Variants in DPYD observed in about 807,000 individuals in gnomAD.
DPYD encodes the protein dihydropyrimidine dehydrogenase.
A neutral mutation model predicts 116.2 loss-of-function variants in DPYD; 109 were observed. The ratio of observed to expected loss-of-function variants is 0.94; its 90% CI spans 0.80 to 1.10. The LOEUF (loss-of-function observed/expected upper bound fraction) is 1.10. Ranked by LOEUF, DPYD falls within the 50% of genes least tolerant of loss-of-function variation. DPYD has a pLI of 0.00. For synonymous variants in DPYD, 440 were observed against 432.0 expected (o/e 1.02, Z -0.23); for missense variants, 1,302 against 1,254.5 (o/e 1.04, Z -0.57).
chr1:97,131,165 C>T (rs954837361), intron 20 of DPYD, among the ~76,000 whole-genome samples: 11 of 151,494 alleles, frequency 7.3e-5, no homozygotes, highest in Admixed American at 3.3e-4. Flanking sequence ...AAAAAAGGAA[C>T]GCTACAGGTC....
At chr1:97,142,042 T>C (rs1654263734) in intron 20 of DPYD, among the ~76,000 whole-genome samples, 1 of 152,122 alleles carries the variant, frequency 6.6e-6, no homozygotes, top group Admixed American at 6.6e-5. Context: ...TGTTAGGCTG[T>C]TTGGAGTAGG....
chr1:97,156,379 C>T (rs1655458211), intron 20 of DPYD, among the ~76,000 whole-genome samples: 1 of 151,800 alleles, frequency 6.6e-6, no homozygotes, highest in South Asian at 2.1e-4. Flanking sequence ...TGACAAAGGG[C>T]TAATATCCAG....
chr1:97,416,093 C>A (rs964580715), intron 14 of DPYD, among the ~76,000 whole-genome samples: 4 of 152,072 alleles, frequency 2.6e-5, no homozygotes, highest in Admixed American at 2.6e-4. Context: ...TGCTTAAGAA[C>A]CATTGATGTT....
intron 20 of DPYD, among the ~76,000 whole-genome samples, chr1:97,110,980 C>G (rs1425974801): frequency 6.6e-6 from 1 of 151,332 alleles, no homozygotes; most frequent in East Asian, 1.9e-4. Flanking sequence ...CCAGCCTGGG[C>G]AACATAGAGA....
intron 13 of DPYD, among the ~76,000 whole-genome samples, chr1:97,511,307 T>C (rs913877598): frequency 1.3e-5 from 2 of 152,024 alleles, no homozygotes; most frequent in Non-Finnish European, 2.9e-5. Context: ...TCCTAAGCAC[T>C]GAATATAGGG....
intron 5 of DPYD, among the ~76,000 whole-genome samples, chr1:97,709,789 G>A (rs1430336391): frequency 1.3e-5 from 2 of 151,698 alleles, no homozygotes; most frequent in East Asian, 3.9e-4. Context: ...TCAAATTTGA[G>A]GGTAACTCTT....
At chr1:97,211,322 G>C (rs1386171007) in intron 19 of DPYD, among the ~76,000 whole-genome samples, 1 of 152,122 alleles carries the variant, frequency 6.6e-6, no homozygotes, top group Non-Finnish European at 1.5e-5. Flanking sequence ...TCCCCAGCCA[G>C]ACAAGGTATC....
intron 14 of DPYD, among the ~76,000 whole-genome samples, chr1:97,429,560 A>G (rs1675059073): frequency 1.3e-5 from 2 of 152,076 alleles, no homozygotes; most frequent in African/African-American, 4.8e-5. Context: ...TGGGTTTGCC[A>G]CTTTCTAGTC....
intron 20 of DPYD, among the ~76,000 whole-genome samples, chr1:97,162,519 T>C (rs752108829): frequency 1.9e-4 from 29 of 152,140 alleles, no homozygotes; most frequent in Admixed American, 5.9e-4. Flanking sequence ...TGCTCATGGG[T>C]AGGAAGAATT....
intron 12 of DPYD, among the ~76,000 whole-genome samples, chr1:97,532,378 G>T (rs891692765): frequency 3.3e-5 from 5 of 152,152 alleles, no homozygotes; most frequent in African/African-American, 1.2e-4. Flanking sequence ...TTTGGTAACA[G>T]TGTGATGCTG....
chr1:97,530,306 C>T (rs1237905101), intron 12 of DPYD, among the ~76,000 whole-genome samples: 1 of 150,802 alleles, frequency 6.6e-6, no homozygotes, highest in African/African-American at 2.4e-5. Flanking sequence ...CAAACTCTGC[C>T]TCCCAGGTTC....
intron 2 of DPYD, among the ~76,000 whole-genome samples, chr1:97,851,723 A>G (rs964372580): frequency 1.4e-5 from 2 of 145,926 alleles, no homozygotes; most frequent in Non-Finnish European, 3.0e-5. Context: ...AAAAAAAAAA[A>G]GAAACTGGGC....
intron 3 of DPYD, among the ~76,000 whole-genome samples, chr1:97,785,290 G>A (rs1169799132): frequency 6.6e-6 from 1 of 152,086 alleles, no homozygotes; most frequent in Non-Finnish European, 1.5e-5. Context: ...TACTGAATAT[G>A]AGAAAGGTAA....
intron 13 of DPYD, among the ~76,000 whole-genome samples, chr1:97,512,549 C>T (rs1647883751): frequency 6.6e-6 from 1 of 151,856 alleles, no homozygotes; most frequent in African/African-American, 2.4e-5. Flanking sequence ...TAATATGTAG[C>T]TCTCCAAGAG....
chr1:97,403,002 G>A (rs375443781), intron 14 of DPYD, among the ~76,000 whole-genome samples: 14 of 151,954 alleles, frequency 9.2e-5, no homozygotes, highest in South Asian at 2.1e-4. Context: ...ACATTGTTGC[G>A]TTGAATTTGC....
intron 19 of DPYD, among the ~76,000 whole-genome samples, chr1:97,226,127 A>G (rs955197559): frequency 6.6e-6 from 1 of 152,176 alleles, no homozygotes; most frequent in African/African-American, 2.4e-5. Flanking sequence ...AAGAGAATGA[A>G]TCACAAAAAC....
intron 18 of DPYD, among the ~76,000 whole-genome samples, chr1:97,260,004 T>C (rs1019986734): frequency 4.6e-5 from 7 of 152,166 alleles, no homozygotes; most frequent in African/African-American, 1.7e-4. Context: ...GAAAAAAAAT[T>C]ATGTTTTCAC....
At chr1:97,173,664 A>T (rs1657049807) in intron 20 of DPYD, among the ~76,000 whole-genome samples, 1 of 151,336 alleles carries the variant, frequency 6.6e-6, no homozygotes, top group Admixed American at 6.6e-5. Context: ...TATATGTTAA[A>T]TGCATAGATG....
At chr1:97,828,378 CATTT>C (rs1366439115) in intron 2 of DPYD, among the ~76,000 whole-genome samples, 182 bp from the exon 3 acceptor site, 1 of 152,082 alleles carries the variant, frequency 6.6e-6, no homozygotes, top group Non-Finnish European at 1.5e-5. Flanking sequence ...AAAATAAAAA[CATTT>C]TATGATACAG....
Sources: allele counts gnomAD v4.1 joint callset (sites outside exome capture counted in the v4.1 genomes callset), GRCh38; gene constraint gnomAD v4.1.1; transcripts MANE v1.5; gene names NCBI Gene and HGNC (gene_info 2026-07-23, HGNC 2026-07-21).